The following SPAST variants were observed in gnomAD, a reference collection of about 807,000 sequenced individuals.
SPAST encodes spastic paraplegia 4 (autosomal dominant; spastin).
Under a neutral mutation model 76.6 loss-of-function variants are expected in SPAST, and 30 were observed. The observed-to-expected ratio is 0.39, with a 90% confidence interval of 0.29 to 0.53. The LOEUF (loss-of-function observed/expected upper bound fraction) is 0.53. Ranked by LOEUF, SPAST falls within the 20% of genes least tolerant of loss-of-function variation. The probability of loss-of-function intolerance (pLI) is 0.68; values close to 1 mark genes in which losing one functional copy is unlikely to be tolerated. For missense variants in SPAST, 717 were observed against 770.5 expected, an observed-to-expected ratio of 0.93 and a Z score of 0.82; for synonymous variants, 305 against 281.0, an observed-to-expected ratio of 1.09 and a Z score of -0.86.
chr2:32,066,321 G>C (rs1676509623), intron 1 of SPAST, among the ~76,000 whole-genome samples: 1 of 152,056 alleles, frequency 6.6e-6, no homozygotes, highest in East Asian at 1.9e-4. Flanking sequence ...AGGATCCCTT[G>C]GGGAGAATTA....
chr2:32,098,864 G>A lies in SPAST; in HGVS notation c.655G>A (p.Ala219Thr), dbSNP rs1373260655. ...CGTCTATAATGACAGTACTAACTTGGCATGCCGCAATGGACATCTCCAGTC... is the reference window on the plus strand; with the variant it reads ...CGTCTATAATGACAGTACTAACTTGACATGCCGCAATGGACATCTCCAGTC... ...TDVYNDSTNL[A>T]CRNGHLQSES... The change falls in exon 4 of 17, where the codon GCA becomes ACA. Residue 219 changes from alanine (A) to threonine (T), a missense_variant. Physicochemically the swap from Ala to Thr is moderately conservative, Grantham distance 58. Transcript: ENST00000315285. 1.9e-6 allele frequency: 3 copies of A among 1,613,518 alleles called. No individual in the cohort carries two copies. Among genetic ancestry groups the A allele is most frequent in the East Asian group, 2.2e-5 (1 of 44,822 alleles).
At chr2:32,092,475 A>C (rs1228709615) in intron 3 of SPAST, among the ~76,000 whole-genome samples, 1 of 152,210 alleles carries the variant, frequency 6.6e-6, no homozygotes. Context: ...GTTTGATGTT[A>C]TGATATAGGA....
chr2:32,079,624 A>AAT (rs1200802454), intron 1 of SPAST, among the ~76,000 whole-genome samples: 1 of 107,818 alleles, frequency 9.3e-6, no homozygotes, highest in Non-Finnish European at 1.9e-5. Context: ...GCAGTAGCAC[A>AAT]ATCAACTCAC....
intron 3 of SPAST, among the ~76,000 whole-genome samples, chr2:32,094,993 GA>G (rs1278523378): frequency 6.6e-6 from 1 of 152,180 alleles, no homozygotes; most frequent in East Asian, 1.9e-4. Flanking sequence ...AGATTTTTAG[GA>G]AAGGAATGAA....
rs552398439 is a variant in SPAST, at chr2:32,064,841, C to T, written c.415+595C>T. 2.0e-5 allele frequency among the ~76,000 whole-genome samples: 3 copies of T among 152,256 alleles called. No homozygotes were observed. The South Asian group carries it at 6.2e-4, about 32-fold the overall frequency. On this transcript the variant is annotated intron_variant, in intron 1 of 16. Transcript: ENST00000315285. ...TTATATTTAGCATAAAACTTTTCCC[C>T]CTGTTGCTTTGATTTTAATTAAAAC... is the stretch of plus-strand genomic sequence containing the variant.
At chr2:32,082,036 G>C (rs1333358621) in intron 1 of SPAST, among the ~76,000 whole-genome samples, 5 of 134,106 alleles carry the variant, frequency 3.7e-5, no homozygotes, top group Non-Finnish European at 7.9e-5. Flanking sequence ...TTTGAGACAG[G>C]GTCTCTCTCA....
At chr2:32,083,181 A>G (rs1280438246) in intron 1 of SPAST, among the ~76,000 whole-genome samples, 5 of 152,112 alleles carry the variant, frequency 3.3e-5, no homozygotes, top group Non-Finnish European at 5.9e-5. Context: ...CATGTTGGCC[A>G]GGCTGGTCTT....
chr2:32,066,572 G>A (rs1676519830), intron 1 of SPAST, among the ~76,000 whole-genome samples: 1 of 152,060 alleles, frequency 6.6e-6, no homozygotes, highest in Non-Finnish European at 1.5e-5. Context: ...GGAGGCTGAG[G>A]CAAGAGAAGT....
At chr2:32,138,681 C>A (rs1267943415) in intron 12 of SPAST, among the ~76,000 whole-genome samples, 1 of 152,084 alleles carries the variant, frequency 6.6e-6, no homozygotes, top group Non-Finnish European at 1.5e-5. Context: ...TCCCACTTGT[C>A]AATTTTTATT....
intron 1 of SPAST, among the ~76,000 whole-genome samples, chr2:32,074,036 G>T (rs1282495962): frequency 6.6e-6 from 1 of 152,132 alleles, no homozygotes; most frequent in Non-Finnish European, 1.5e-5. Context: ...CTGTAGCCAG[G>T]GAGAACACAC....
intron 1 of SPAST, among the ~76,000 whole-genome samples, chr2:32,067,631 T>G (rs1291731630): frequency 1.3e-5 from 2 of 151,888 alleles, no homozygotes; most frequent in East Asian, 3.9e-4. Context: ...TTGGATATAT[T>G]AAATATATAA....
chr2:32,068,127 C>T (rs1354681736), intron 1 of SPAST, among the ~76,000 whole-genome samples: 6 of 148,638 alleles, frequency 4.0e-5, no homozygotes, highest in Admixed American at 1.3e-4. Flanking sequence ...TACAGGCGCC[C>T]GCCACCATGC....
In SPAST at chr2:32,064,021, C is replaced by T; in HGVS notation, c.190C>T (p.Leu64=). Residue 64 remains leucine, a synonymous_variant, in exon 1 of 17, where the codon CTG becomes TTG. Transcript: ENST00000315285. ...SYPLFVGFAL[L]RLVAFHLGLL... Reference sequence around the variant, plus strand: ...CCCGCTGTTTGTAGGCTTCGCGCTGCTGCGTTTGGTCGCCTTCCACCTGGG... The same window carrying T: ...CCCGCTGTTTGTAGGCTTCGCGCTGTTGCGTTTGGTCGCCTTCCACCTGGG... The T allele has an allele frequency of 6.2e-7, 1 of 1,613,460 alleles. No homozygotes were observed. The highest frequency in any genetic ancestry group is 1.3e-5 in the African/African-American group (1 of 75,008).
intron 16 of SPAST, among the ~76,000 whole-genome samples, chr2:32,151,725 C>T (rs1246026490): frequency 1.3e-5 from 2 of 152,114 alleles, no homozygotes; most frequent in Non-Finnish European, 2.9e-5. Context: ...GCCTGGCCAA[C>T]GTGGCGAAAC....
chr2:32,136,505 T>A (rs745795168), intron 9 of SPAST, 58 bp from the exon 10 acceptor site: 2 of 1,260,984 alleles, frequency 1.6e-6, no homozygotes, highest in Non-Finnish European at 2.3e-6. Context: ...ACATAAAATT[T>A]AAAAAACTGG....
rs1263315425 is a variant in SPAST, at chr2:32,155,351, A to G, written c.*855A>G. On this transcript the variant is annotated 3_prime_UTR_variant, in exon 17 of 17. Transcript: ENST00000315285. ...TATTTTCTGCAAGAATTATTCTGATATTTAAGAGAGCCAATTTTAACTGCT... is the reference window on the plus strand; with the variant it reads ...TATTTTCTGCAAGAATTATTCTGATGTTTAAGAGAGCCAATTTTAACTGCT... The G allele has an allele frequency of 2.0e-5, 3 of 152,652 alleles. No homozygotes were observed. In the East Asian group the frequency reaches 5.8e-4, roughly 29 times the overall value. The allele number at this position is 152,652 out of a possible 1,614,324, so 9.5% of individuals were successfully genotyped here.
intron 1 of SPAST, among the ~76,000 whole-genome samples, chr2:32,085,056 C>T (rs1294878212): frequency 6.6e-6 from 1 of 151,992 alleles, no homozygotes; most frequent in African/African-American, 2.4e-5. Flanking sequence ...AGTGCTATTA[C>T]ACTATTTTCT....
At chr2:32,149,763 G>A (rs1183645518) in intron 16 of SPAST, among the ~76,000 whole-genome samples, 1 of 152,172 alleles carries the variant, frequency 6.6e-6, no homozygotes, top group Non-Finnish European at 1.5e-5. Context: ...CAGGAGGATT[G>A]TGTAGGTTGT....
In SPAST at chr2:32,155,324, T is replaced by C. The variant is rs1374792449; in HGVS notation, c.*828T>C. On this transcript the variant is annotated 3_prime_UTR_variant, in exon 17 of 17. Coordinates refer to ENST00000315285, the MANE Select transcript of SPAST (RefSeq NM_014946.4). ...GACTGTTAACTTCTTCCTGATGGAA[T>C]TTATTTTCTGCAAGAATTATTCTGA... 3.3e-5 allele frequency: 5 copies of C among 152,588 alleles called. No individual in the cohort carries two copies. The highest frequency in any genetic ancestry group is 2.9e-5 in the Non-Finnish European group (2 of 67,990). The allele number at this position is 152,588 out of a possible 1,614,324, so 9.5% of individuals were successfully genotyped here.
Sources: allele counts gnomAD v4.1 joint callset (sites outside exome capture counted in the v4.1 genomes callset), GRCh38; gene constraint gnomAD v4.1.1; transcripts MANE v1.5; gene names NCBI Gene and HGNC (gene_info 2026-07-23, HGNC 2026-07-21).